The following GCN1 variants were observed in gnomAD, a reference collection of about 807,000 sequenced individuals.
GCN1 encodes stalled ribosome sensor GCN1.
GCN1 carries 90 observed loss-of-function variants against 288.4 expected under a neutral mutation model. The ratio of observed to expected loss-of-function variants is 0.31; its 90% confidence interval spans 0.26 to 0.37. The LOEUF (loss-of-function observed/expected upper bound fraction) is 0.37, where lower values mean the gene tolerates loss of function less well. Ranked by LOEUF, GCN1 falls within the 10% of genes least tolerant of loss-of-function variation. GCN1 has a pLI of 1.00. For synonymous variants in GCN1, 1,386 were observed against 1,420.2 expected (o/e 0.98, Z 0.54); for missense variants, 2,586 against 3,419.9 (o/e 0.76, Z 6.08).
At chr12:120,161,804 C>G in intron 21 of GCN1, 76 bp downstream of exon 21, 1 of 1,385,986 alleles carries the variant, frequency 7.2e-7, no homozygotes, top group Non-Finnish European at 1.0e-6. Context: ...TCACAGGAGG[C>G]ACTGGCTCCA....
At chr12:120,170,599 G>A (rs576683541) in intron 14 of GCN1, among the ~76,000 whole-genome samples, 1 of 152,070 alleles carries the variant, frequency 6.6e-6, no homozygotes, top group Admixed American at 6.5e-5. Context: ...ACCTGAGGCT[G>A]GGAGTTCGAG....
chr12:120,146,254 A>G (rs1160356962), intron 38 of GCN1, among the ~76,000 whole-genome samples: 6 of 149,762 alleles, frequency 4.0e-5, no homozygotes, highest in Non-Finnish European at 7.4e-5. Flanking sequence ...CAACAGAGCA[A>G]GACTCCATCT....
At chr12:120,161,851 G>A in intron 21 of GCN1, 29 bp downstream of exon 21, 1 of 1,607,520 alleles carries the variant, frequency 6.2e-7, no homozygotes, top group Non-Finnish European at 8.5e-7. Flanking sequence ...GGGGAGCAAA[G>A]GAAACTGAGC....
intron 16 of GCN1, among the ~76,000 whole-genome samples, chr12:120,165,484 T>A (rs1230871546): frequency 1.3e-5 from 2 of 151,926 alleles, no homozygotes; most frequent in East Asian, 3.9e-4. Flanking sequence ...TTTACTTTTT[T>A]TGAGACAGAG....
At chr12:120,157,136 C>T in intron 26 of GCN1, 144 bp from the exon 27 acceptor site, 1 of 607,676 alleles carries the variant, frequency 1.6e-6, no homozygotes, top group Admixed American at 2.7e-5. Flanking sequence ...ATTAAGTTTA[C>T]AACTAGGTCC....
Position 120,134,284 on chromosome 12 carries a change from G to A in GCN1, c.7317+7C>T. 2.5e-6 allele frequency: 4 copies of A among 1,598,516 alleles called. No homozygotes were observed. Among genetic ancestry groups the A allele is most frequent in the Non-Finnish European group, 3.4e-6 (4 of 1,166,120 alleles). ...AGTGCTGCCACTAGTCCTGCCTGCA[G>A]CCGTACCTCATCGTGTCCCAGCATG... On this transcript the variant is annotated splice_region_variant and intron_variant, in intron 53 of 57. Transcript: ENST00000300648. This position sits in a 1 kb window ranked among gnomAD's most constrained non-coding sequence, Gnocchi z 5.0.
In GCN1 at chr12:120,130,707, CT is replaced by C. The variant is rs1465534947; in HGVS notation, c.7609del (p.Arg2537AspfsTer37). 6.2e-7 allele frequency: 1 copy of C among 1,614,054 alleles called. No individual in the cohort carries two copies. On this transcript the variant is annotated frameshift_variant, in exon 56 of 58. Coordinates refer to ENST00000300648, the MANE Select transcript of GCN1 (RefSeq NM_006836.2). LOFTEE classifies it high-confidence loss of function. ...SGVRGMGFLM[R>X]HHIETGGGQL... ...CCCTCCGCCTGTCTCGATGTGGTGT[CT>C]CATGAGAAAGCCCATGCCCCGGACC...
In GCN1 at chr12:120,153,899, C is replaced by T. The variant is rs1877653601; in HGVS notation, c.3712G>A (p.Ala1238Thr). The T allele has an allele frequency of 6.2e-7, 1 of 1,613,568 alleles. No individual in the cohort carries two copies. The highest frequency in any genetic ancestry group is 1.7e-5 in the Admixed American group (1 of 59,962). Reference protein sequence around the residue: ...PDQWEARCGLALALNKLSQYL... With the variant: ...PDQWEARCGLTLALNKLSQYL... ...TGGGAGAGCTTGTTGAGGGCCAACG[C>T]CAAGCCACACCTGGGAAAGAAGTGG... Residue 1238 changes from alanine to threonine, a missense_variant, in exon 32 of 58, where the codon GCG (alanine) becomes ACG (threonine). Coordinates refer to ENST00000300648, the MANE Select transcript of GCN1 (RefSeq NM_006836.2). The surrounding 1 kb of genome is among the most constrained non-coding windows in gnomAD (Gnocchi z 4.4).
intron 2 of GCN1, among the ~76,000 whole-genome samples, chr12:120,189,913 G>C (rs1354687061): frequency 6.6e-6 from 1 of 152,140 alleles, no homozygotes; most frequent in African/African-American, 2.4e-5. Context: ...CAGCGAGGCA[G>C]AGGTTGTAGT....
chr12:120,156,322 C>T lies in GCN1; in HGVS notation c.3312+139G>A. 2 of 764,732 alleles carry T rather than the reference C, an allele frequency of 2.6e-6. No individual in the cohort carries two copies. The highest frequency in any genetic ancestry group is 2.1e-6 in the Non-Finnish European group (1 of 466,646). The allele number at this position is 764,732 out of a possible 1,614,324, so 47.4% of individuals were successfully genotyped here. ...CTTAGTGTTCTGATTCTCAGAGAGACCCCAACCATGTGACTTCTTCTCTTT... is the reference window on the plus strand; with the variant it reads ...CTTAGTGTTCTGATTCTCAGAGAGATCCCAACCATGTGACTTCTTCTCTTT... On this transcript the variant is annotated intron_variant, in intron 28 of 57. Transcript: ENST00000300648. This position sits in a 1 kb window ranked among gnomAD's most constrained non-coding sequence, Gnocchi z 5.8.
Position 120,155,798 on chromosome 12 carries a change from G to A in GCN1, c.3313-79C>T, listed in dbSNP as rs994013734. ...GACCTGCCTCCTCACCTCTCTCTAG[G>A]TTGTACTGTCCAAGATGTAGCCACT... On this transcript the variant is annotated intron_variant, in intron 28 of 57. Coordinates refer to ENST00000300648, the MANE Select transcript of GCN1 (RefSeq NM_006836.2). The surrounding 1 kb of genome is among the most constrained non-coding windows in gnomAD (Gnocchi z 4.9). 20 of 1,449,246 alleles carry A rather than the reference G, an allele frequency of 1.4e-5. No individual in the cohort carries two copies. The African/African-American group carries it at 2.2e-4, about 16-fold the overall frequency. The allele number at this position is 1,449,246 out of a possible 1,614,324, so 89.8% of individuals were successfully genotyped here.
chr12:120,138,099 G>A, intron 47 of GCN1, 55 bp from the exon 48 acceptor site: 1 of 1,521,610 alleles, frequency 6.6e-7, no homozygotes, highest in African/African-American at 1.4e-5. Flanking sequence ...GCTGCGCTAG[G>A]CTCTGGGAAC....
In GCN1 at chr12:120,134,094, A is replaced by G. The variant is rs550012590; in HGVS notation, c.7317+197T>C. On this transcript the variant is annotated intron_variant, in intron 53 of 57. Coordinates refer to ENST00000300648, the MANE Select transcript of GCN1 (RefSeq NM_006836.2). This position sits in a 1 kb window ranked among gnomAD's most constrained non-coding sequence, Gnocchi z 5.0. ...AACAAACAAACAAACGGAAATAACC[A>G]ATATATCCACAATACCTGCCCCGTT... is the stretch of plus-strand genomic sequence containing the variant. 6.6e-6 allele frequency among the ~76,000 whole-genome samples: 1 copy of G among 152,154 alleles called. No homozygotes were observed. Among genetic ancestry groups the G allele is most frequent in the Non-Finnish European group, 1.5e-5 (1 of 68,020 alleles).
rs556749954 is a variant in GCN1, at chr12:120,164,505, C to T, written c.1689-10G>A. On this transcript the variant is annotated splice_polypyrimidine_tract_variant and intron_variant, in intron 17 of 57. Coordinates refer to ENST00000300648, the MANE Select transcript of GCN1 (RefSeq NM_006836.2). ...AGCCCGGTGGTACTGCCTGCAAGCA[C>T]AGGGACAGACAGGTCTGGGGGAAGG... The T allele has an allele frequency of 4.3e-6, 7 of 1,612,470 alleles. 1 individual carries two copies. The African/African-American group carries it at 9.3e-5, about 21-fold the overall frequency.
chr12:120,175,147 A>T lies in GCN1; in HGVS notation c.1093+15T>A. On this transcript the variant is annotated intron_variant, in intron 12 of 57. Transcript: ENST00000300648. ...CTCTCAAAAAAAAAAAAAAAAAAAA[A>T]AAGAAATCCTATACCTGAGAGGACG... The T allele has an allele frequency of 1.9e-6, 3 of 1,570,448 alleles. No homozygotes were observed. The highest frequency in any genetic ancestry group is 2.6e-6 in the Non-Finnish European group (3 of 1,160,978).
rs374528930 is a variant in GCN1 at position 120,142,911 on chromosome 12, G to A, written c.5526C>T (p.Leu1842=). Residue 1842 remains leucine (L), a synonymous_variant, in exon 43 of 58, where the codon CTC becomes CTT. Coordinates refer to ENST00000300648, the MANE Select transcript of GCN1 (RefSeq NM_006836.2). This position sits in a 1 kb window ranked among gnomAD's most constrained non-coding sequence, Gnocchi z 4.9. The stretch of plus-strand genomic sequence containing the variant: ...CAGTGACTCCTGAGATGTGAAACAG[G>A]AGATCCCCAAGGAGCTGAACAGAGC... ...RFSSVQLLGD[L]LFHISGVTGK... 4.3e-5 allele frequency: 70 copies of A among 1,613,366 alleles called. No homozygotes were observed. The highest frequency in any genetic ancestry group is 5.3e-5 in the Non-Finnish European group (63 of 1,179,424).
At chr12:120,170,115 G>A in intron 15 of GCN1, 54 bp downstream of exon 15, 4 of 1,504,006 alleles carry the variant, frequency 2.7e-6, no homozygotes, top group Admixed American at 1.7e-5. Context: ...ACCTCCCAAG[G>A]ACTCTTGTCA....
chr12:120,184,703 G>A (rs972479263), intron 3 of GCN1, 121 bp downstream of exon 3: 88 of 757,366 alleles, frequency 1.2e-4, no homozygotes, highest in Middle Eastern at 3.5e-4. Context: ...TAATGGCTAG[G>A]ATGTGACATA....
intron 12 of GCN1, among the ~76,000 whole-genome samples, chr12:120,174,382 G>A (rs1351752644): frequency 3.9e-5 from 6 of 152,150 alleles, no homozygotes; most frequent in Non-Finnish European, 8.8e-5. Context: ...ACCTGAACAA[G>A]TCCCTCTTGT....
Sources: gnomAD v4.1 joint callset for allele counts (sites outside exome capture counted in the v4.1 genomes callset) on GRCh38, gnomAD v4.1.1 for gene constraint, Gnocchi (gnomAD v3.1) non-coding constraint, MANE v1.5 for transcripts, NCBI Gene and HGNC (gene_info 2026-07-23, HGNC 2026-07-21) for gene names.